MMP26: variants seen among roughly 807,000 people sequenced by gnomAD.
The protein encoded by MMP26 is matrix metalloproteinase-26.
Under a neutral mutation model 31.0 loss-of-function variants are expected in MMP26, and 33 were observed. The observed-to-expected ratio is 1.06, with a 90% CI of 0.81 to 1.42. MMP26 has a LOEUF of 1.42. Among genes scored for constraint, MMP26 ranks in the 40% most tolerant of loss-of-function variants. The probability of loss-of-function intolerance (pLI) is 0.00; values close to 1 mark genes in which losing one functional copy is unlikely to be tolerated. For missense variants in MMP26, 347 were observed against 316.1 expected (o/e 1.10, Z -0.74); for synonymous variants, 122 against 114.9 (o/e 1.06, Z -0.40).
chr11:4,769,978 T>G, intron 2 of MMP26: 1 of 799,386 alleles, frequency 1.3e-6, no homozygotes, highest in Non-Finnish European at 2.1e-6. Context: ...AGTGATACAT[T>G]AAGTGTTATG....
chr11:4,827,070 C>G (rs1033193040), intron 2 of MMP26, among the ~76,000 whole-genome samples: 6 of 152,082 alleles, frequency 3.9e-5, no homozygotes, highest in Admixed American at 3.9e-4. Context: ...GTACATGGCA[C>G]GCGCCTAGGT....
intron 2 of MMP26, among the ~76,000 whole-genome samples, chr11:4,884,314 A>C (rs1160697473): frequency 2.0e-5 from 3 of 152,068 alleles, no homozygotes; most frequent in Non-Finnish European, 4.4e-5. Context: ...TGTAGCTAAA[A>C]TGTTTCTTTG....
intron 2 of MMP26, chr11:4,803,395 G>A: frequency 1.5e-6 from 2 of 1,306,332 alleles, no homozygotes; most frequent in Non-Finnish European, 2.1e-6. Context: ...CCACATTAGT[G>A]GGGCAATGTA....
intron 2 of MMP26, among the ~76,000 whole-genome samples, chr11:4,836,930 C>T (rs559835183): frequency 7.9e-5 from 12 of 151,576 alleles, no homozygotes; most frequent in African/African-American, 2.9e-4. Flanking sequence ...GGATTACGGG[C>T]GTGAGCCACC....
Position 4,954,718 on chromosome 11 carries a change from A to G in MMP26, c.-144-33350A>G, listed in dbSNP as rs183677883. ...TGGTGTCAAATATTAGGTTTCTCAA[A>G]TTTACCTTAAATATCTTACCAGACA... On this transcript the variant is annotated intron_variant, in intron 2 of 7. Transcript: ENST00000380390. The G allele has an allele frequency of 3.6e-5, 29 of 803,958 alleles. 8 individuals are homozygous for G. In the East Asian group the frequency reaches 8.3e-4, roughly 23 times the overall value. The allele number at this position is 803,958 out of a possible 1,614,324, so 49.8% of individuals were successfully genotyped here.
chr11:4,792,576 A>G (rs894943993), intron 2 of MMP26, among the ~76,000 whole-genome samples: 2 of 152,226 alleles, frequency 1.3e-5, no homozygotes, highest in East Asian at 3.8e-4. Context: ...GTCTTGGGTC[A>G]GAATAAGAGA....
chr11:4,777,227 A>T (rs1848801709), intron 2 of MMP26, among the ~76,000 whole-genome samples: 1 of 152,168 alleles, frequency 6.6e-6, no homozygotes, highest in Non-Finnish European at 1.5e-5. Context: ...GGTCCCCTCT[A>T]GCTACTGTAA....
At chr11:4,952,038 A>G (rs1396861470) in intron 2 of MMP26, among the ~76,000 whole-genome samples, 1 of 124,296 alleles carries the variant, frequency 8.0e-6, no homozygotes, top group African/African-American at 2.7e-5. Context: ...TGCTGTTATG[A>G]TATTTTACCT....
chr11:4,982,916 C>G (rs1400437426), intron 2 of MMP26, among the ~76,000 whole-genome samples: 1 of 152,118 alleles, frequency 6.6e-6, no homozygotes, highest in African/African-American at 2.4e-5. Context: ...CTCTATTTAC[C>G]TCCTCATAGA....
chr11:4,744,144 C>T (rs1433802948), intron 1 of MMP26, among the ~76,000 whole-genome samples: 7 of 152,074 alleles, frequency 4.6e-5, no homozygotes, highest in Admixed American at 4.6e-4. Context: ...TTCAGGGATA[C>T]TATAATTTAA....
intron 2 of MMP26, chr11:4,914,361 A>G (rs1304143872): frequency 4.4e-5 from 8 of 182,146 alleles, no homozygotes; most frequent in East Asian, 1.5e-4. Flanking sequence ...GAGAAGATAC[A>G]TGGGCTATTT....
At chr11:4,724,824 A>T (rs193128543) in intron 1 of MMP26, among the ~76,000 whole-genome samples, 48 of 152,366 alleles carry the variant, frequency 3.2e-4, no homozygotes, top group African/African-American at 1.0e-3. Flanking sequence ...CAGACTATCA[A>T]GGAAAACAGG....
intron 2 of MMP26, chr11:4,882,676 CCT>C (rs1201221326): frequency 1.2e-6 from 2 of 1,613,944 alleles, no homozygotes; most frequent in South Asian, 1.1e-5. Context: ...CACTGATCAG[CCT>C]CTCTTTGGCA....
intron 2 of MMP26, among the ~76,000 whole-genome samples, chr11:4,942,544 T>C (rs1846229351): frequency 6.6e-6 from 1 of 152,204 alleles, no homozygotes; most frequent in Admixed American, 6.5e-5. Flanking sequence ...ATTAGAGTAG[T>C]TATCTTCTAT....
At chr11:4,848,279 T>A in intron 2 of MMP26, 2 of 1,613,674 alleles carry the variant, frequency 1.2e-6, no homozygotes, top group Non-Finnish European at 1.7e-6. Flanking sequence ...ACCTGTTGAG[T>A]ATTCTCTTTC....
At chr11:4,804,406 G>C (rs1238089998) in intron 2 of MMP26, 4 of 1,544,604 alleles carry the variant, frequency 2.6e-6, no homozygotes, top group South Asian at 1.1e-5. Flanking sequence ...GTCTCTGCTG[G>C]GAACGCAATC....
intron 1 of MMP26, among the ~76,000 whole-genome samples, chr11:4,734,327 T>C (rs547946449): frequency 1.2e-4 from 19 of 152,218 alleles, no homozygotes; most frequent in Non-Finnish European, 2.1e-4. Context: ...ACTAATTCAC[T>C]TGTATCAAAT....
At chr11:4,758,545 T>C (rs1328331660) in intron 1 of MMP26, among the ~76,000 whole-genome samples, 1 of 150,008 alleles carries the variant, frequency 6.7e-6, no homozygotes, top group Non-Finnish European at 1.5e-5. Flanking sequence ...TGGTTAAATA[T>C]GTAAATATCA....
intron 2 of MMP26, among the ~76,000 whole-genome samples, chr11:4,843,029 C>G (rs1849817447): frequency 6.6e-6 from 1 of 152,238 alleles, no homozygotes; most frequent in Non-Finnish European, 1.5e-5. Flanking sequence ...GACCCCATGT[C>G]TCTCACCCAG....
Sources: allele counts gnomAD v4.1 joint callset (sites outside exome capture counted in the v4.1 genomes callset), GRCh38; gene constraint gnomAD v4.1.1; transcripts MANE v1.5; gene names NCBI Gene and HGNC (gene_info 2026-07-23, HGNC 2026-07-21).